ATP2C1: variants seen among roughly 807,000 people sequenced by gnomAD.
The protein encoded by ATP2C1 is ATPase secretory pathway Ca2+ transporting 1.
ATP2C1 carries 31 observed loss-of-function variants against 120.5 expected under a neutral mutation model. The ratio of observed to expected loss-of-function variants is 0.26; its 90% CI spans 0.19 to 0.35. The LOEUF is 0.35. Ranked by LOEUF, ATP2C1 falls within the 10% of genes least tolerant of loss-of-function variation. ATP2C1 has a pLI of 1.00. For missense variants in ATP2C1, 731 were observed against 1,107.5 expected (o/e 0.66, Z 4.83); for synonymous variants, 351 against 358.7 (o/e 0.98, Z 0.24).
At chr3:130,873,459 C>T (rs1025488557) in intron 1 of ATP2C1, among the ~76,000 whole-genome samples, 1 of 152,170 alleles carries the variant, frequency 6.6e-6, no homozygotes, top group African/African-American at 2.4e-5. Context: ...GGTGTCTGTT[C>T]AGTGAGAATT....
At chr3:130,946,479 C>G (rs1358621609) in intron 8 of ATP2C1, among the ~76,000 whole-genome samples, 1 of 152,212 alleles carries the variant, frequency 6.6e-6, no homozygotes, top group Non-Finnish European at 1.5e-5. Context: ...TACCTGCCAC[C>G]TGAAGGAGTC....
intron 26 of ATP2C1, among the ~76,000 whole-genome samples, chr3:131,014,749 A>G (rs1577091177): frequency 1.3e-5 from 2 of 152,342 alleles, no homozygotes; most frequent in South Asian, 2.1e-4. Context: ...AATATGAGAA[A>G]ATTTATTGGC....
At chr3:130,995,414 CAAAA>C (rs778589516) in intron 22 of ATP2C1, among the ~76,000 whole-genome samples, 4 of 106,416 alleles carry the variant, frequency 3.8e-5, no homozygotes, top group Non-Finnish European at 2.0e-5. Context: ...GACCCTGTCT[CAAAA>C]AAAAAAAAAA....
At chr3:130,989,257 A>AC (rs1427667549) in intron 20 of ATP2C1, among the ~76,000 whole-genome samples, 143 of 147,132 alleles carry the variant, frequency 9.7e-4, no homozygotes, top group Non-Finnish European at 1.5e-3. Flanking sequence ...CAAAAAAAAA[A>AC]AAAACAAAAA....
chr3:130,909,285 G>A lies in ATP2C1; in HGVS notation c.6+14510G>A, dbSNP rs562221147. Reference sequence around the variant, plus strand: ...CAATTTCCCACCCCATATAGAAATGGCACCAACATCTCTCCTAGAAACTTC... The same window carrying A: ...CAATTTCCCACCCCATATAGAAATGACACCAACATCTCTCCTAGAAACTTC... On this transcript the variant is annotated intron_variant, in intron 2 of 27. Coordinates refer to ENST00000510168, the MANE Select transcript of ATP2C1 (RefSeq NM_001378687.1). 3.9e-5 allele frequency among the ~76,000 whole-genome samples: 6 copies of A among 152,246 alleles called. No individual in the cohort carries two copies. In the South Asian group the frequency reaches 1.0e-3, roughly 26 times the overall value.
chr3:130,939,621 C>A (rs543313458), intron 6 of ATP2C1, among the ~76,000 whole-genome samples: 93 of 152,238 alleles, frequency 6.1e-4, no homozygotes, highest in African/African-American at 2.2e-3. Flanking sequence ...TATTTTCTAG[C>A]ATATTACAGA....
intron 13 of ATP2C1, 140 bp from the exon 14 acceptor site, chr3:130,964,808 T>A: frequency 1.6e-6 from 1 of 620,280 alleles, no homozygotes; most frequent in South Asian, 2.0e-5. Context: ...ATGAGAGAAG[T>A]TAATCTAAAA....
At chr3:131,011,481 C>G (rs905864027) in intron 26 of ATP2C1, among the ~76,000 whole-genome samples, 1 of 152,174 alleles carries the variant, frequency 6.6e-6, no homozygotes, top group South Asian at 2.1e-4. Context: ...AAGAGCAGGA[C>G]CTAATCACTT....
At chr3:130,913,559 T>A (rs2058544495) in intron 2 of ATP2C1, among the ~76,000 whole-genome samples, 1 of 152,226 alleles carries the variant, frequency 6.6e-6, no homozygotes, top group African/African-American at 2.4e-5. Flanking sequence ...ATGCTGTTTT[T>A]AAATGATTGT....
chr3:130,910,138 A>G (rs948944555), intron 2 of ATP2C1, among the ~76,000 whole-genome samples: 1 of 152,000 alleles, frequency 6.6e-6, no homozygotes, highest in Non-Finnish European at 1.5e-5. Context: ...TTTGGTTTGT[A>G]GTTCTCCTTG....
intron 1 of ATP2C1, among the ~76,000 whole-genome samples, chr3:130,884,622 A>G (rs1318295113): frequency 6.6e-6 from 1 of 152,170 alleles, no homozygotes; most frequent in African/African-American, 2.4e-5. Flanking sequence ...GCTATTTTGT[A>G]TTGAGGTCTA....
At position 130,942,998 on chromosome 3, in the gene ATP2C1, G is replaced by A. The variant is rs561703040; in HGVS notation, c.531+1299G>A. ...TTCTCATTGGGATAGTTAGAAGATGGTGTTTCTCATTTGCATGGTTCGAGA... is the reference window on the plus strand; with the variant it reads ...TTCTCATTGGGATAGTTAGAAGATGATGTTTCTCATTTGCATGGTTCGAGA... On this transcript the variant is annotated intron_variant, in intron 8 of 27. Coordinates refer to ENST00000510168, the MANE Select transcript of ATP2C1 (RefSeq NM_001378687.1). 2.6e-5 allele frequency among the ~76,000 whole-genome samples: 4 copies of A among 152,242 alleles called. No individual in the cohort carries two copies. In the South Asian group the frequency reaches 8.3e-4, roughly 32 times the overall value.
chr3:130,978,385 T>C (rs763971587), intron 18 of ATP2C1, among the ~76,000 whole-genome samples: 1 of 152,142 alleles, frequency 6.6e-6, no homozygotes. Flanking sequence ...TATTTATGTT[T>C]AGTTTGTATG....
chr3:130,895,387 A>G (rs1185459632), intron 2 of ATP2C1, among the ~76,000 whole-genome samples: 1 of 152,214 alleles, frequency 6.6e-6, no homozygotes, highest in South Asian at 2.1e-4. Flanking sequence ...TACACTTTGG[A>G]CACATTAGAT....
At chr3:130,975,290 C>G in intron 17 of ATP2C1, 42 bp from the exon 18 acceptor site, 3 of 1,602,202 alleles carry the variant, frequency 1.9e-6, no homozygotes, top group Non-Finnish European at 2.6e-6. Flanking sequence ...CAGGTAAGTA[C>G]AAGTTGAAAT....
At chr3:130,931,330 A>G (rs2059440430) in intron 3 of ATP2C1, among the ~76,000 whole-genome samples, 1 of 152,104 alleles carries the variant, frequency 6.6e-6, no homozygotes, top group South Asian at 2.1e-4. Context: ...TGAAGGATGT[A>G]GGTAGTGTTT....
At chr3:130,991,119 C>G (rs2062320319) in intron 20 of ATP2C1, among the ~76,000 whole-genome samples, 1 of 152,040 alleles carries the variant, frequency 6.6e-6, no homozygotes. Flanking sequence ...GAACTGAGCC[C>G]TGGGGTGCTC....
At chr3:130,904,705 T>C (rs1283653428) in intron 2 of ATP2C1, among the ~76,000 whole-genome samples, 5 of 152,026 alleles carry the variant, frequency 3.3e-5, no homozygotes, top group Non-Finnish European at 7.4e-5. Flanking sequence ...TCCATCATAC[T>C]TTACATGGGC....
chr3:130,936,213 T>A (rs188209418), intron 5 of ATP2C1, among the ~76,000 whole-genome samples: 3,074 of 150,570 alleles, frequency 0.02, 30 homozygotes, highest in Non-Finnish European at 0.027. Flanking sequence ...GTGTTTTTTT[T>A]AAAAAAAAAA....
Sources: allele counts gnomAD v4.1 joint callset (sites outside exome capture counted in the v4.1 genomes callset), GRCh38; gene constraint gnomAD v4.1.1; transcripts MANE v1.5; gene names NCBI Gene and HGNC (gene_info 2026-07-23, HGNC 2026-07-21).